Variants in ADGRB3 observed in about 807,000 individuals in gnomAD.
ADGRB3 encodes the protein brain-specific angiogenesis inhibitor 3.
ADGRB3 carries 37 observed loss-of-function variants against 193.4 expected under a neutral mutation model. That is an observed-to-expected ratio of 0.19 (90% CI 0.15 to 0.25). ADGRB3 has a LOEUF of 0.25. ADGRB3 is among the 10% of genes least tolerant of loss of function. The probability of loss-of-function intolerance (pLI) is 1.00; values close to 1 mark genes in which losing one functional copy is unlikely to be tolerated. For synonymous variants in ADGRB3, 690 were observed against 644.2 expected (o/e 1.07, Z -1.08); for missense variants, 1,637 against 1,852.9 (o/e 0.88, Z 2.14).
At chr6:69,147,523 A>T (rs140708262) in intron 17 of ADGRB3, among the ~76,000 whole-genome samples, 1 of 151,964 alleles carries the variant, frequency 6.6e-6, no homozygotes, top group South Asian at 2.1e-4. Flanking sequence ...ATATGATTTA[A>T]TTTTTTTTAA....
At chr6:69,104,589 T>A (rs1296902273) in intron 17 of ADGRB3, among the ~76,000 whole-genome samples, 1 of 152,110 alleles carries the variant, frequency 6.6e-6, no homozygotes, top group Admixed American at 6.5e-5. Context: ...TATAGGCAAA[T>A]GAAATCATGT....
intron 3 of ADGRB3, among the ~76,000 whole-genome samples, chr6:68,875,572 T>G (rs1297935534): frequency 6.6e-6 from 1 of 151,986 alleles, no homozygotes; most frequent in Non-Finnish European, 1.5e-5. Context: ...TTTACTGAGA[T>G]TTTATTTTGT....
chr6:69,191,452 T>A (rs1765185136), intron 17 of ADGRB3, among the ~76,000 whole-genome samples: 1 of 152,194 alleles, frequency 6.6e-6, no homozygotes, highest in South Asian at 2.1e-4. Flanking sequence ...ATTATTCACT[T>A]CTGATATAGT....
At chr6:68,653,581 G>T (rs1223223706) in intron 3 of ADGRB3, among the ~76,000 whole-genome samples, 2 of 151,966 alleles carry the variant, frequency 1.3e-5, no homozygotes, top group African/African-American at 4.8e-5. Context: ...TCTTGTTTTA[G>T]CCTACTTAAA....
intron 17 of ADGRB3, among the ~76,000 whole-genome samples, chr6:69,140,551 A>G (rs190202213): frequency 1.2e-4 from 19 of 152,316 alleles, no homozygotes; most frequent in Admixed American, 1.2e-3. Flanking sequence ...GTATAAAAAT[A>G]TAATTGGATA....
intron 8 of ADGRB3, among the ~76,000 whole-genome samples, chr6:68,970,309 G>A (rs1279306545): frequency 1.3e-5 from 2 of 149,674 alleles, no homozygotes; most frequent in African/African-American, 4.9e-5. Flanking sequence ...TTTTTAAATG[G>A]AATCTTGATC....
intron 3 of ADGRB3, among the ~76,000 whole-genome samples, chr6:68,919,160 T>C (rs1766958673): frequency 6.6e-6 from 1 of 152,188 alleles, no homozygotes; most frequent in Non-Finnish European, 1.5e-5. Flanking sequence ...GTCTATTCTA[T>C]AGCCAGTAAC....
chr6:68,806,200 A>G (rs1767397770), intron 3 of ADGRB3, among the ~76,000 whole-genome samples: 1 of 152,210 alleles, frequency 6.6e-6, no homozygotes, highest in Non-Finnish European at 1.5e-5. Context: ...AACAAGATAA[A>G]AACAATAACC....
intron 24 of ADGRB3, among the ~76,000 whole-genome samples, chr6:69,336,217 A>T (rs920236238): frequency 6.6e-6 from 1 of 152,000 alleles, no homozygotes; most frequent in Non-Finnish European, 1.5e-5. Flanking sequence ...CACATCTTAA[A>T]TAAAATGATA....
intron 3 of ADGRB3, among the ~76,000 whole-genome samples, chr6:68,894,249 C>T (rs1041232367): frequency 1.3e-5 from 2 of 151,808 alleles, no homozygotes; most frequent in African/African-American, 4.8e-5. Context: ...TGCTTCCTGA[C>T]CAATGCTCCA....
chr6:69,278,484 CATTGTTTATGAT>C (rs1767350726), intron 20 of ADGRB3, among the ~76,000 whole-genome samples: 2 of 152,182 alleles, frequency 1.3e-5, no homozygotes, highest in South Asian at 4.1e-4. Context: ...TATTCCCCCC[CATTGTTTATGAT>C]ATTTTCATCT....
At chr6:69,267,675 T>C (rs960119044) in intron 20 of ADGRB3, among the ~76,000 whole-genome samples, 1 of 152,128 alleles carries the variant, frequency 6.6e-6, no homozygotes, top group Non-Finnish European at 1.5e-5. Flanking sequence ...ATGTGGCCTA[T>C]TTTCTTATTC....
chr6:69,278,489 T>C (rs1211630092), intron 20 of ADGRB3, among the ~76,000 whole-genome samples: 1 of 152,212 alleles, frequency 6.6e-6, no homozygotes, highest in East Asian at 1.9e-4. Context: ...CCCCCCATTG[T>C]TTATGATATT....
chr6:68,746,709 C>T (rs1285189610), intron 3 of ADGRB3, among the ~76,000 whole-genome samples: 2 of 152,090 alleles, frequency 1.3e-5, no homozygotes, highest in Non-Finnish European at 2.9e-5. Flanking sequence ...TAGTTTTTCT[C>T]GGTCTCTCCA....
At chr6:69,265,439 C>T (rs1767020124) in intron 20 of ADGRB3, among the ~76,000 whole-genome samples, 1 of 151,886 alleles carries the variant, frequency 6.6e-6, no homozygotes, top group African/African-American at 2.4e-5. Context: ...AACAACCTTG[C>T]AGGTCCTGTT....
intron 3 of ADGRB3, among the ~76,000 whole-genome samples, chr6:68,737,608 C>T (rs1765896704): frequency 6.6e-6 from 1 of 151,966 alleles, no homozygotes; most frequent in African/African-American, 2.4e-5. Flanking sequence ...ACTGTAGAGA[C>T]CCAAGATTGG....
intron 20 of ADGRB3, among the ~76,000 whole-genome samples, chr6:69,284,606 G>A (rs186785426): frequency 6.6e-6 from 1 of 151,964 alleles, no homozygotes; most frequent in Admixed American, 6.6e-5. Flanking sequence ...TTTCTAAAAG[G>A]ACTGGAAATG....
intron 22 of ADGRB3, among the ~76,000 whole-genome samples, 175 bp from the exon 23 acceptor site, chr6:69,330,331 T>A (rs1768687274): frequency 6.6e-6 from 1 of 152,240 alleles, no homozygotes; most frequent in Non-Finnish European, 1.5e-5. Context: ...TTCTTACTTA[T>A]GAAATGATAT....
At chr6:69,045,289 G>A (rs1771204117) in intron 13 of ADGRB3, among the ~76,000 whole-genome samples, 1 of 152,082 alleles carries the variant, frequency 6.6e-6, no homozygotes, top group Non-Finnish European at 1.5e-5. Flanking sequence ...ATTACTAAGG[G>A]ATCATAAAGA....
Sources: allele counts gnomAD v4.1 joint callset (sites outside exome capture counted in the v4.1 genomes callset), GRCh38; gene constraint gnomAD v4.1.1; transcripts MANE v1.5; gene names NCBI Gene and HGNC (gene_info 2026-07-23, HGNC 2026-07-21).